Variants in SMPD3 observed in about 807,000 individuals in gnomAD.
SMPD3 encodes sphingomyelin phosphodiesterase 3.
In SMPD3, 21 loss-of-function variants were observed where a neutral mutation model predicts 55.7. That is an observed-to-expected ratio of 0.38 (90% CI 0.27 to 0.54). SMPD3 has a LOEUF of 0.54. Ranked by LOEUF, SMPD3 falls within the 20% of genes least tolerant of loss-of-function variation. The pLI is 0.80. For missense variants in SMPD3, 842 were observed against 899.6 expected, an observed-to-expected ratio of 0.94 and a Z score of 0.82; for synonymous variants, 457 against 404.3, an observed-to-expected ratio of 1.13 and a Z score of -1.56.
At position 68,361,170 on chromosome 16, in the gene SMPD3, G is replaced by T; in HGVS notation, c.*36C>A. 6.3e-7 allele frequency: 1 copy of T among 1,587,658 alleles called. No individual in the cohort carries two copies. The highest frequency in any genetic ancestry group is 8.6e-7 in the Non-Finnish European group (1 of 1,159,934). On this transcript the variant is annotated 3_prime_UTR_variant, in exon 9 of 9. Coordinates refer to ENST00000219334, the MANE Select transcript of SMPD3 (RefSeq NM_018667.4). ...CATGGCCCAGGGATGGGCTGCAGCT[G>T]CAAGGGCTGGCAGAGGCCCCGCTGC...
intron 1 of SMPD3, among the ~76,000 whole-genome samples, chr16:68,398,549 T>C (rs1037215743): frequency 6.6e-6 from 1 of 152,206 alleles, no homozygotes; most frequent in Non-Finnish European, 1.5e-5. Flanking sequence ...ACCAAAAAGC[T>C]GGCGATTCAC....
intron 7 of SMPD3, among the ~76,000 whole-genome samples, chr16:68,362,457 G>T (rs151118410): frequency 6.6e-6 from 1 of 152,198 alleles, no homozygotes; most frequent in African/African-American, 2.4e-5. Flanking sequence ...CAGTATGCCC[G>T]TCTGCTTCCT....
intron 1 of SMPD3, among the ~76,000 whole-genome samples, chr16:68,444,085 G>C (rs1242673675): frequency 6.6e-6 from 1 of 152,210 alleles, no homozygotes; most frequent in Non-Finnish European, 1.5e-5. Flanking sequence ...TGATGAGTTT[G>C]TTCGAAGTAA....
At chr16:68,444,762 A>C (rs1005737002) in intron 1 of SMPD3, among the ~76,000 whole-genome samples, 2 of 152,224 alleles carry the variant, frequency 1.3e-5, no homozygotes, top group Non-Finnish European at 2.9e-5. Flanking sequence ...AATCAGGATA[A>C]GCAGGTGGTT....
At chr16:68,416,503 C>T (rs1472953317) in intron 1 of SMPD3, among the ~76,000 whole-genome samples, 3 of 152,180 alleles carry the variant, frequency 2.0e-5, no homozygotes, top group Admixed American at 1.3e-4. Context: ...AATCTAAGGC[C>T]GTTGTTGTCT....
Position 68,424,339 on chromosome 16 carries a change from A to G in SMPD3, c.-269+24014T>C, listed in dbSNP as rs34311912. ...TGCCTTCTTCACTTGCCCCTCCACA[A>G]TGGGGCTGCAGGGGCCGTAGGGGGA... On this transcript the variant is annotated intron_variant, in intron 1 of 8. Transcript: ENST00000219334. 3.5e-3 allele frequency among the ~76,000 whole-genome samples: 526 copies of G among 151,802 alleles called. 2 individuals carry two copies. The highest frequency in any genetic ancestry group is 0.01 in the Middle Eastern group (3 of 292).
At chr16:68,375,562 C>G (rs1453030738) in intron 2 of SMPD3, among the ~76,000 whole-genome samples, 1 of 152,232 alleles carries the variant, frequency 6.6e-6, no homozygotes, top group Admixed American at 6.5e-5. Context: ...ATCCCTGACA[C>G]TGGCCCATCA....
At chr16:68,429,979 A>C (rs536633235) in intron 1 of SMPD3, among the ~76,000 whole-genome samples, 1 of 152,252 alleles carries the variant, frequency 6.6e-6, no homozygotes, top group East Asian at 1.9e-4. Flanking sequence ...CCCTCTTTGA[A>C]AGTTTAGGAT....
Position 68,447,160 on chromosome 16 carries a change from G to A in SMPD3, c.-269+1193C>T, listed in dbSNP as rs1216300985. Among the ~76,000 whole-genome samples the A allele has an allele frequency of 6.6e-6, 1 of 152,098 alleles. No individual in the cohort carries two copies. Among genetic ancestry groups the A allele is most frequent in the Non-Finnish European group, 1.5e-5 (1 of 67,998 alleles). On this transcript the variant is annotated intron_variant, in intron 1 of 8. Transcript: ENST00000219334. The surrounding 1 kb of genome is among the most constrained non-coding windows in gnomAD (Gnocchi z 5.1). ...GCGGCGACCGCCGCTTTGTCCTCTC[G>A]AGGATGCCTGGGCCGAGCGCGAAAG...
rs902144729 is a variant in SMPD3, at chr16:68,361,013, G to A, written c.*193C>T. The A allele has an allele frequency of 5.2e-6, 3 of 578,638 alleles. No homozygotes were observed. The African/African-American group carries it at 5.6e-5, about 11-fold the overall frequency. 35.8% of individuals were successfully genotyped at this position (578,638 alleles called of 1,614,324 possible). A position where few individuals can be genotyped will look rare whatever the true frequency, so the allele number is the denominator to read the frequency against. ...AGGCAGCTGGAGGCTCCTGGGGCGG[G>A]CCTGACTCCTCTGTCCACAGTGAGG... is the stretch of plus-strand genomic sequence containing the variant. On this transcript the variant is annotated 3_prime_UTR_variant, in exon 9 of 9. Coordinates refer to ENST00000219334, the MANE Select transcript of SMPD3 (RefSeq NM_018667.4).
intron 7 of SMPD3, among the ~76,000 whole-genome samples, chr16:68,363,269 A>G (rs370686720): frequency 6.6e-6 from 1 of 152,036 alleles, no homozygotes; most frequent in Non-Finnish European, 1.5e-5. Context: ...AAATACCCCT[A>G]GAGATTTAGC....
At position 68,383,510 on chromosome 16, in the gene SMPD3, C is replaced by T. The variant is rs2089994045; in HGVS notation, c.-207+3088G>A. ...GAGGTGTAAGAGGCTCATTCCTCAT[C>T]TGTTCTCCACTTGCTGCCCCTTGGT... is the stretch of plus-strand genomic sequence containing the variant. On this transcript the variant is annotated intron_variant, in intron 2 of 8. Transcript: ENST00000219334. Among the ~76,000 whole-genome samples the T allele has an allele frequency of 2.6e-5, 4 of 152,184 alleles. No homozygotes were observed. The South Asian group carries it at 8.3e-4, about 31-fold the overall frequency.
chr16:68,363,687 AGTGGGGTCTT>A, intron 6 of SMPD3, 80 bp downstream of exon 6: 1 of 1,453,834 alleles, frequency 6.9e-7, no homozygotes, highest in Non-Finnish European at 9.4e-7. Flanking sequence ...CTTCCCCAGC[AGTGGGGTCTT>A]GTGGGGTAGG....
At chr16:68,399,746 GTCC>G (rs1307633043) in intron 1 of SMPD3, among the ~76,000 whole-genome samples, 1 of 152,226 alleles carries the variant, frequency 6.6e-6, no homozygotes, top group African/African-American at 2.4e-5. Context: ...AGGTTGCCTC[GTCC>G]TCATCATTTG....
chr16:68,398,073 G>T (rs753083738), intron 1 of SMPD3, among the ~76,000 whole-genome samples: 32 of 152,182 alleles, frequency 2.1e-4, no homozygotes, highest in Admixed American at 4.6e-4. Flanking sequence ...CCAAGAGGTG[G>T]GTGGGCGTCT....
At chr16:68,436,634 A>C (rs2090524834) in intron 1 of SMPD3, among the ~76,000 whole-genome samples, 1 of 152,204 alleles carries the variant, frequency 6.6e-6, no homozygotes, top group South Asian at 2.1e-4. Flanking sequence ...TGGCCTTATT[A>C]AATGTGCAAT....
At position 68,372,850 on chromosome 16, in the gene SMPD3, G is replaced by T. The variant is rs567570562; in HGVS notation, c.-206-463C>A. On this transcript the variant is annotated intron_variant, in intron 2 of 8. Transcript: ENST00000219334. Reference sequence around the variant, plus strand: ...GCCACAAACATGGCCACTTGTCATGGAGTGCCTGCCAGCTAAGGACAGAGC... The same window carrying T: ...GCCACAAACATGGCCACTTGTCATGTAGTGCCTGCCAGCTAAGGACAGAGC... 2.6e-5 allele frequency among the ~76,000 whole-genome samples: 4 copies of T among 152,320 alleles called. No individual in the cohort carries two copies. In the South Asian group the frequency reaches 8.3e-4, roughly 32 times the overall value.
At chr16:68,431,465 C>A (rs1018201324) in intron 1 of SMPD3, among the ~76,000 whole-genome samples, 1 of 152,106 alleles carries the variant, frequency 6.6e-6, no homozygotes, top group African/African-American at 2.4e-5. Flanking sequence ...GTCTTGCTGG[C>A]GATTGTATCA....
chr16:68,427,752 T>TGGG (rs67002357), intron 1 of SMPD3, among the ~76,000 whole-genome samples: 2 of 147,846 alleles, frequency 1.4e-5, no homozygotes, highest in African/African-American at 2.5e-5. Flanking sequence ...TAAAAATGAC[T>TGGG]GGGGGGGGGT....
Sources: allele counts gnomAD v4.1 joint callset (sites outside exome capture counted in the v4.1 genomes callset), GRCh38; gene constraint gnomAD v4.1.1; non-coding constraint Gnocchi (gnomAD v3.1); transcripts MANE v1.5; gene names NCBI Gene and HGNC (gene_info 2026-07-23, HGNC 2026-07-21).